The following NAALADL2 variants were observed in gnomAD, a reference collection of about 807,000 sequenced individuals.
NAALADL2 encodes inactive N-acetylated-alpha-linked acidic dipeptidase-like protein 2.
Under a neutral mutation model 87.2 loss-of-function variants are expected in NAALADL2, and 76 were observed. The observed-to-expected ratio is 0.87, with a 90% CI of 0.72 to 1.05. The LOEUF (loss-of-function observed/expected upper bound fraction) is 1.05, where lower values mean the gene tolerates loss of function less well. NAALADL2 is among the 50% of genes least tolerant of loss of function. NAALADL2 has a pLI of 0.00. For synonymous variants in NAALADL2, 354 were observed against 331.0 expected (o/e 1.07, Z -0.75); for missense variants, 1,089 against 945.8 (o/e 1.15, Z -1.99).
intron 9 of NAALADL2, 136 bp downstream of exon 9, chr3:175,471,894 G>A: frequency 3.9e-6 from 3 of 775,470 alleles, no homozygotes; most frequent in Non-Finnish European, 6.2e-6. Flanking sequence ...ATGATCTATT[G>A]CTGACATTTT....
At chr3:175,793,309 T>A (rs1189590479) in intron 13 of NAALADL2, among the ~76,000 whole-genome samples, 1 of 95,076 alleles carries the variant, frequency 1.1e-5, no homozygotes, top group Non-Finnish European at 2.2e-5. Context: ...TTTTCTTTCT[T>A]TTTTTTTTTT....
intron 3 of NAALADL2, among the ~76,000 whole-genome samples, chr3:174,832,822 T>G (rs532164955): frequency 2.0e-5 from 3 of 152,300 alleles, no homozygotes; most frequent in Admixed American, 2.0e-4. Flanking sequence ...ACTAATTTGT[T>G]CAAGGTCATA....
intron 2 of NAALADL2, among the ~76,000 whole-genome samples, chr3:174,669,941 A>G (rs1466990629): frequency 2.6e-5 from 4 of 151,914 alleles, no homozygotes; most frequent in Non-Finnish European, 5.9e-5. Context: ...TTTAGGGTAC[A>G]TGTTCTTTGT....
At chr3:174,882,425 TTG>T (rs72490338) in intron 1 of NAALADL2, among the ~76,000 whole-genome samples, 30 of 149,372 alleles carry the variant, frequency 2.0e-4, no homozygotes, top group Non-Finnish European at 2.8e-4. Context: ...TGTATGTGTG[TTG>T]TGTGTGTGTG....
chr3:175,528,039 T>G (rs10804857), intron 9 of NAALADL2, among the ~76,000 whole-genome samples: 102,205 of 151,884 alleles, frequency 0.67, 37,449 homozygotes, highest in East Asian at 0.87. Flanking sequence ...AAAAGTATAC[T>G]CATATTTGCA....
chr3:175,028,978 T>A (rs948182914), intron 1 of NAALADL2, among the ~76,000 whole-genome samples: 32 of 150,528 alleles, frequency 2.1e-4, no homozygotes, highest in African/African-American at 7.5e-4. Flanking sequence ...TGTAGATTTA[T>A]TTAATAATTA....
intron 2 of NAALADL2, among the ~76,000 whole-genome samples, chr3:174,651,292 T>C (rs532748914): frequency 1.4e-4 from 21 of 152,220 alleles, no homozygotes; most frequent in Non-Finnish European, 2.9e-4. Flanking sequence ...TCTAGGCTAT[T>C]GGCTTTTAGA....
At chr3:175,020,252 T>C (rs1751405262) in intron 1 of NAALADL2, among the ~76,000 whole-genome samples, 1 of 152,044 alleles carries the variant, frequency 6.6e-6, no homozygotes, top group African/African-American at 2.4e-5. Context: ...CAGAAGTTGC[T>C]TCTCAATTAT....
chr3:175,715,262 G>T (rs988209662), intron 11 of NAALADL2, among the ~76,000 whole-genome samples: 27 of 152,112 alleles, frequency 1.8e-4, no homozygotes, highest in African/African-American at 6.3e-4. Flanking sequence ...TGTTCACTCT[G>T]CTCTATTCTA....
chr3:175,617,975 T>C (rs971558835), intron 10 of NAALADL2, among the ~76,000 whole-genome samples: 4 of 152,170 alleles, frequency 2.6e-5, no homozygotes, highest in Non-Finnish European at 5.9e-5. Context: ...GGTCCTCCAA[T>C]GGTACTGCTG....
chr3:175,127,233 C>T (rs540521676), intron 2 of NAALADL2, among the ~76,000 whole-genome samples: 3 of 152,188 alleles, frequency 2.0e-5, no homozygotes, highest in East Asian at 1.9e-4. Context: ...CATTATCTCC[C>T]GCTACCCCCC....
Position 175,686,865 on chromosome 3 carries a change from A to G in NAALADL2, c.1897-50441A>G, listed in dbSNP as rs541441483. 5.3e-5 allele frequency among the ~76,000 whole-genome samples: 8 copies of G among 152,288 alleles called. No homozygotes were observed. In the South Asian group the frequency reaches 1.7e-3, roughly 32 times the overall value. On this transcript the variant is annotated intron_variant, in intron 11 of 13. Transcript: ENST00000454872. ...TGAAAAAACAGTGGTGAAAATTGCT[A>G]CAATTCAATTGCATAGTGTTTGCTA...
chr3:175,532,602 A>T (rs967325447), intron 9 of NAALADL2, among the ~76,000 whole-genome samples: 1 of 151,930 alleles, frequency 6.6e-6, no homozygotes. Flanking sequence ...ACTTTTAGGA[A>T]CACTGTGATT....
At chr3:174,625,332 A>G (rs1355334285) in intron 2 of NAALADL2, among the ~76,000 whole-genome samples, 1 of 152,030 alleles carries the variant, frequency 6.6e-6, no homozygotes, top group Non-Finnish European at 1.5e-5. Context: ...TGTTAGTACT[A>G]CAGCCATAAG....
At position 174,564,758 on chromosome 3, in the gene NAALADL2, C is replaced by T. The variant is rs532343203; in HGVS notation, c.-115+14121C>T. 3.3e-5 allele frequency among the ~76,000 whole-genome samples: 5 copies of T among 152,042 alleles called. No individual in the cohort carries two copies. In the South Asian group the frequency reaches 1.0e-3, roughly 32 times the overall value. On this transcript the variant is annotated intron_variant, in intron 2 of 3. Transcript: ENST00000434257. ...TATAACAAAATTGTCCTTCTAATCTCTAGTAGCAATTTAATTATATCTTGT... is the reference window on the plus strand; with the variant it reads ...TATAACAAAATTGTCCTTCTAATCTTTAGTAGCAATTTAATTATATCTTGT...
At chr3:175,445,443 AT>A (rs1720534408) in intron 5 of NAALADL2, among the ~76,000 whole-genome samples, 1 of 151,964 alleles carries the variant, frequency 6.6e-6, no homozygotes, top group African/African-American at 2.4e-5. Context: ...CAAATATGTA[AT>A]TGTTTTTAAC....
chr3:175,514,606 G>A (rs1310810182), intron 9 of NAALADL2, among the ~76,000 whole-genome samples: 1 of 152,122 alleles, frequency 6.6e-6, no homozygotes, highest in Non-Finnish European at 1.5e-5. Context: ...CACCAAAAGT[G>A]CATGTAGGGG....
At chr3:174,811,818 C>G (rs112225254) in intron 3 of NAALADL2, among the ~76,000 whole-genome samples, 1 of 152,160 alleles carries the variant, frequency 6.6e-6, no homozygotes, top group South Asian at 2.1e-4. Context: ...GAATTATAAT[C>G]TCCAATGTTG....
At chr3:174,583,174 T>C (rs1355184992) in intron 2 of NAALADL2, among the ~76,000 whole-genome samples, 2 of 152,228 alleles carry the variant, frequency 1.3e-5, no homozygotes, top group Non-Finnish European at 2.9e-5. Flanking sequence ...TGTAAATCTA[T>C]AATATGGTAA....
Sources: gnomAD v4.1 joint callset for allele counts (sites outside exome capture counted in the v4.1 genomes callset) on GRCh38, gnomAD v4.1.1 for gene constraint, MANE v1.5 for transcripts, NCBI Gene and HGNC (gene_info 2026-07-23, HGNC 2026-07-21) for gene names.